Variants in PHF21A observed in about 807,000 individuals in gnomAD.
PHF21A encodes the protein BHC80a.
PHF21A carries 11 observed loss-of-function variants against 82.5 expected under a neutral mutation model. The ratio of observed to expected loss-of-function variants is 0.13; its 90% CI spans 0.08 to 0.22. PHF21A has a LOEUF of 0.22. Ranked by LOEUF, PHF21A falls within the 10% of genes least tolerant of loss-of-function variation. The pLI, the probability that PHF21A is intolerant of heterozygous loss-of-function variation, is 1.00. For missense variants in PHF21A, 579 were observed against 837.8 expected, an observed-to-expected ratio of 0.69 and a Z score of 3.81; for synonymous variants, 297 against 302.8, an observed-to-expected ratio of 0.98 and a Z score of 0.20.
chr11:46,072,246 T>C (rs778436245), intron 6 of PHF21A, among the ~76,000 whole-genome samples: 5 of 152,230 alleles, frequency 3.3e-5, no homozygotes, highest in Admixed American at 2.0e-4. Flanking sequence ...AGCAATAAAC[T>C]ACCTACATTT....
chr11:46,070,243 T>C (rs564176463), intron 6 of PHF21A, among the ~76,000 whole-genome samples: 2 of 152,306 alleles, frequency 1.3e-5, no homozygotes, highest in South Asian at 2.1e-4. Flanking sequence ...AAATTGAGAA[T>C]GATTCCATAA....
intron 6 of PHF21A, among the ~76,000 whole-genome samples, chr11:45,996,482 C>T (rs780103506): frequency 6.6e-6 from 1 of 152,078 alleles, no homozygotes; most frequent in Non-Finnish European, 1.5e-5. Flanking sequence ...TTGACAGTGG[C>T]CACATAAATG....
chr11:45,964,138 C>CA (rs2093287564), intron 10 of PHF21A, among the ~76,000 whole-genome samples: 1 of 150,840 alleles, frequency 6.6e-6, no homozygotes, highest in East Asian at 1.9e-4. Flanking sequence ...GCGGAGGTTG[C>CA]AGTGAGCTGA....
At chr11:46,109,764 T>C (rs1433111890) in intron 1 of PHF21A, among the ~76,000 whole-genome samples, 1 of 152,068 alleles carries the variant, frequency 6.6e-6, no homozygotes, top group Non-Finnish European at 1.5e-5. Context: ...GGTGGATCAC[T>C]TGAGATCAGG....
chr11:46,035,372 T>C (rs1196188390), intron 6 of PHF21A, among the ~76,000 whole-genome samples: 1 of 152,270 alleles, frequency 6.6e-6, no homozygotes, highest in Non-Finnish European at 1.5e-5. Context: ...TGTTTGTTCC[T>C]TGCCAGCATC....
intron 6 of PHF21A, among the ~76,000 whole-genome samples, chr11:45,999,996 C>T (rs999813243): frequency 6.6e-6 from 1 of 152,202 alleles, no homozygotes; most frequent in African/African-American, 2.4e-5. Flanking sequence ...CATCTCTAGT[C>T]TTTTTAAACA....
intron 1 of PHF21A, among the ~76,000 whole-genome samples, chr11:46,112,554 C>G (rs1212776749): frequency 6.6e-6 from 1 of 152,070 alleles, no homozygotes; most frequent in African/African-American, 2.4e-5. Flanking sequence ...TTATTAAAGA[C>G]ATTTCACCTC....
chr11:45,934,343 T>A, intron 18 of PHF21A, 118 bp from the exon 19 acceptor site: 8 of 1,038,068 alleles, frequency 7.7e-6, no homozygotes, highest in Non-Finnish European at 1.1e-5. Context: ...CTGGCTGCTG[T>A]GCAGCCCCTG....
At chr11:46,009,595 G>C (rs901616775) in intron 6 of PHF21A, among the ~76,000 whole-genome samples, 3 of 152,154 alleles carry the variant, frequency 2.0e-5, no homozygotes, top group Admixed American at 2.0e-4. Flanking sequence ...AATCCTAGGA[G>C]ATATGTACTA....
intron 6 of PHF21A, among the ~76,000 whole-genome samples, chr11:46,029,423 C>T (rs1332194425): frequency 6.6e-6 from 1 of 152,168 alleles, no homozygotes; most frequent in Non-Finnish European, 1.5e-5. Context: ...CGCAGTGGCT[C>T]ACGCCTGTAA....
chr11:46,096,253 A>C (rs1190907632), intron 1 of PHF21A, among the ~76,000 whole-genome samples: 2 of 151,284 alleles, frequency 1.3e-5, no homozygotes, highest in East Asian at 3.9e-4. Flanking sequence ...TCATTACTGG[A>C]TCATTTTGTT....
intron 6 of PHF21A, among the ~76,000 whole-genome samples, chr11:45,988,223 A>G (rs140019026): frequency 1.3e-4 from 20 of 152,318 alleles, no homozygotes; most frequent in Non-Finnish European, 2.9e-4. Flanking sequence ...GGTAAATATA[A>G]CAGATTATTT....
chr11:46,097,534 A>G (rs774882080), intron 1 of PHF21A, among the ~76,000 whole-genome samples: 1 of 152,190 alleles, frequency 6.6e-6, no homozygotes, highest in African/African-American at 2.4e-5. Flanking sequence ...ATACTAAAAT[A>G]AAGACTAAAA....
chr11:46,040,810 CAAAAGCCCAGG>C (rs2096119523), intron 6 of PHF21A, among the ~76,000 whole-genome samples: 1 of 151,150 alleles, frequency 6.6e-6, no homozygotes, highest in South Asian at 2.1e-4. Flanking sequence ...ATTTAAATAG[CAAAAGCCCAGG>C]AATAGCTCCC....
chr11:45,984,178 A>G (rs1426855209), intron 6 of PHF21A, among the ~76,000 whole-genome samples: 2 of 152,226 alleles, frequency 1.3e-5, no homozygotes, highest in Admixed American at 1.3e-4. Flanking sequence ...AAATGAAAAA[A>G]GAAAGCTGGA....
intron 6 of PHF21A, among the ~76,000 whole-genome samples, chr11:46,060,013 G>A (rs1435530926): frequency 6.6e-6 from 1 of 152,080 alleles, no homozygotes; most frequent in East Asian, 1.9e-4. Context: ...AAAGCGCTGG[G>A]ATTACAGGCG....
intron 7 of PHF21A, among the ~76,000 whole-genome samples, chr11:45,973,816 G>A (rs1412004970): frequency 6.6e-6 from 1 of 152,172 alleles, no homozygotes; most frequent in Non-Finnish European, 1.5e-5. Context: ...GTGCTATCGT[G>A]GATTGTGGGA....
intron 6 of PHF21A, among the ~76,000 whole-genome samples, chr11:45,985,473 T>C (rs920479807): frequency 6.6e-6 from 1 of 152,072 alleles, no homozygotes. Flanking sequence ...CAAGATAAAC[T>C]CCCTCCTTAA....
intron 12 of PHF21A, 76 bp from the exon 13 acceptor site, chr11:45,949,557 T>C (rs1310241523): frequency 4.2e-6 from 5 of 1,191,150 alleles, no homozygotes; most frequent in African/African-American, 1.5e-5. Context: ...GTTTTATCTA[T>C]TGGTTTTCCC....
Sources: gnomAD v4.1 joint callset for allele counts (sites outside exome capture counted in the v4.1 genomes callset) on GRCh38, gnomAD v4.1.1 for gene constraint, MANE v1.5 for transcripts, NCBI Gene and HGNC (gene_info 2026-07-23, HGNC 2026-07-21) for gene names.